PHTF1: variants seen among roughly 807,000 people sequenced by gnomAD.
PHTF1 encodes protein PHTF1.
In PHTF1, 88 loss-of-function variants were observed where a neutral mutation model predicts 102.4. The ratio of observed to expected loss-of-function variants is 0.86; its 90% CI spans 0.72 to 1.03. PHTF1 has a LOEUF of 1.03. Among genes scored for constraint, PHTF1 ranks in the 50% least tolerant of loss-of-function variants. The pLI, the probability that PHTF1 is intolerant of heterozygous loss-of-function variation, is 0.00. For synonymous variants in PHTF1, 289 were observed against 305.2 expected, an observed-to-expected ratio of 0.95 and a Z score of 0.55; for missense variants, 814 against 909.5, an observed-to-expected ratio of 0.89 and a Z score of 1.35.
chr1:113,710,142 A>G lies in PHTF1; in HGVS notation c.1269+112T>C, dbSNP rs947176934. 7 of 760,814 alleles carry G rather than the reference A, an allele frequency of 9.2e-6. No homozygotes were observed. In the African/African-American group the frequency reaches 1.2e-4, roughly 13 times the overall value. The allele number at this position is 760,814 out of a possible 1,614,324, so 47.1% of individuals were successfully genotyped here. A position where few individuals can be genotyped will look rare whatever the true frequency, so the allele number is the denominator to read the frequency against. On this transcript the variant is annotated intron_variant, in intron 11 of 18. Coordinates refer to ENST00000369604, the MANE Select transcript of PHTF1 (RefSeq NM_001323043.2). ...TTTCCTCACCTCTAAACTGGGGATA[A>G]TAATAGTATCTACCCTACAGGATGA...
At chr1:113,734,540 T>C (rs1056597522) in intron 5 of PHTF1, among the ~76,000 whole-genome samples, 1 of 152,176 alleles carries the variant, frequency 6.6e-6, no homozygotes, top group African/African-American at 2.4e-5. Context: ...AGTGATGAAA[T>C]TGCATATTTA....
intron 5 of PHTF1, among the ~76,000 whole-genome samples, chr1:113,735,504 T>A (rs1361217702): frequency 6.6e-6 from 1 of 151,852 alleles, no homozygotes; most frequent in African/African-American, 2.4e-5. Context: ...AATGATGGTA[T>A]GCCCATATGA....
At chr1:113,698,225 T>G (rs1476313466) in intron 18 of PHTF1, 37 bp downstream of exon 18, 6 of 1,520,744 alleles carry the variant, frequency 3.9e-6, no homozygotes, top group Non-Finnish European at 5.4e-6. Flanking sequence ...TAGTAATTTT[T>G]AAGACTAGGA....
intron 3 of PHTF1, among the ~76,000 whole-genome samples, chr1:113,750,590 G>T (rs1157316487): frequency 2.6e-5 from 4 of 152,084 alleles, no homozygotes; most frequent in African/African-American, 4.8e-5. Flanking sequence ...CAGGCGTGGT[G>T]GCTCACGCCT....
In PHTF1 at chr1:113,715,648, C is replaced by CAAAAA. The variant is rs60517410; in HGVS notation, c.624-2215_624-2211dup. Among the ~76,000 whole-genome samples the CAAAAA allele has an allele frequency of 1.1e-3, 28 of 24,982 alleles. 5 individuals carry two copies. The highest frequency in any genetic ancestry group is 7.2e-3 in the East Asian group (2 of 276). The allele number at this position is 24,982 out of a possible 152,430, so 16.4% of individuals were successfully genotyped here. A position where few individuals can be genotyped will look rare whatever the true frequency, so the allele number is the denominator to read the frequency against. On this transcript the variant is annotated intron_variant, in intron 7 of 18. Coordinates refer to ENST00000369604, the MANE Select transcript of PHTF1 (RefSeq NM_001323043.2). The stretch of plus-strand genomic sequence containing the variant: ...GAGCAATGACAGTGAAACCCTGTCT[C>CAAAAA]AAAAAAAAAAAAAAAAAAAAAAAAA...
chr1:113,697,530 C>T lies in PHTF1; in HGVS notation c.*175G>A. On this transcript the variant is annotated 3_prime_UTR_variant, in exon 19 of 19. Coordinates refer to ENST00000369604, the MANE Select transcript of PHTF1 (RefSeq NM_001323043.2). ...AAATACAGGTTTTTAGCATGCACACCCAGTTGGAAAAGGACTTGCTCCTCC... is the reference window on the plus strand; with the variant it reads ...AAATACAGGTTTTTAGCATGCACACTCAGTTGGAAAAGGACTTGCTCCTCC... 3.6e-6 allele frequency: 2 copies of T among 558,324 alleles called. No homozygotes were observed. The highest frequency in any genetic ancestry group is 6.6e-6 in the Non-Finnish European group (2 of 305,314). The allele number at this position is 558,324 out of a possible 1,614,324, so 34.6% of individuals were successfully genotyped here.
At chr1:113,721,731 C>G (rs999353954) in intron 7 of PHTF1, among the ~76,000 whole-genome samples, 2 of 152,052 alleles carry the variant, frequency 1.3e-5, no homozygotes, top group African/African-American at 4.8e-5. Context: ...GCTCTGTCGC[C>G]CAGGCTGGAG....
Position 113,726,517 on chromosome 1 carries a change from C to G in PHTF1, c.389G>C (p.Gly130Ala). The G allele has an allele frequency of 6.2e-7, 1 of 1,607,118 alleles. No individual in the cohort carries two copies. Residue 130 changes from glycine (G) to alanine (A), a missense_variant, in exon 6 of 19, where the codon GGA becomes GCA. Physicochemically the swap from Gly to Ala is moderately conservative, Grantham distance 60 (BLOSUM62 0). Transcript: ENST00000369604. ...CATGAGTAGCATAAGGCACAAGGGT[C>G]CAAGTACTTCACTTATGTTCACAAT... ...MPIVNISEVL[G>A]PLCLMLLMGT...
chr1:113,701,065 A>G, intron 15 of PHTF1, 116 bp from the exon 16 acceptor site: 1 of 741,142 alleles, frequency 1.3e-6, no homozygotes, highest in South Asian at 1.7e-5. Flanking sequence ...TAATACTGAA[A>G]GCAGAAGAGC....
At chr1:113,741,375 T>C (rs543686619) in intron 3 of PHTF1, among the ~76,000 whole-genome samples, 1 of 152,354 alleles carries the variant, frequency 6.6e-6, no homozygotes, top group Non-Finnish European at 1.5e-5. Context: ...TGTACACTAA[T>C]TTTTGAAATA....
At chr1:113,717,491 A>T (rs1249320233) in intron 7 of PHTF1, among the ~76,000 whole-genome samples, 19 of 152,224 alleles carry the variant, frequency 1.2e-4, no homozygotes, top group Admixed American at 1.2e-3. Flanking sequence ...TTTATAAAAG[A>T]TACACACAGG....
In PHTF1 at chr1:113,724,827, G is replaced by A; in HGVS notation, c.555C>T (p.Val185=). The A allele has an allele frequency of 6.2e-7, 1 of 1,610,326 alleles. No individual in the cohort carries two copies. Among genetic ancestry groups the A allele is most frequent in the Non-Finnish European group, 8.5e-7 (1 of 1,177,694 alleles). Residue 185 remains valine, a synonymous_variant, in exon 7 of 19, where the codon GTC becomes GTT. Coordinates refer to ENST00000369604, the MANE Select transcript of PHTF1 (RefSeq NM_001323043.2). ...RENGNNSSDK[V]RGIETLESVP... is the part of the protein sequence containing the mutation. ...CAGATTCCAAAGTTTCTATTCCTCT[G>A]ACTTTATCAGAGGAGTTATTTCCAT...
At chr1:113,715,648 CAAAAAAAAAAAAA>C (rs60517410) in intron 7 of PHTF1, among the ~76,000 whole-genome samples, 6 of 24,960 alleles carry the variant, frequency 2.4e-4, no homozygotes, top group Admixed American at 7.8e-4. Flanking sequence ...AACCCTGTCT[CAAAAAAAAAAAAA>C]AAAAAAAAAA....
intron 3 of PHTF1, among the ~76,000 whole-genome samples, chr1:113,739,802 G>T (rs1656072225): frequency 6.6e-6 from 1 of 152,010 alleles, no homozygotes; most frequent in African/African-American, 2.4e-5. Flanking sequence ...CAACTTTTTA[G>T]CTTCCATGTA....
chr1:113,711,947 T>C lies in PHTF1; in HGVS notation c.950A>G (p.Asn317Ser), dbSNP rs1471625396. 3 of 1,613,188 alleles carry C rather than the reference T, an allele frequency of 1.9e-6. No individual in the cohort carries two copies. The African/African-American group carries it at 4.0e-5, about 22-fold the overall frequency. Residue 317 changes from asparagine to serine, a missense_variant, in exon 9 of 19, where the codon AAC becomes AGC. Asn to Ser is a conservative substitution (Grantham distance 46, BLOSUM62 1). Coordinates refer to ENST00000369604, the MANE Select transcript of PHTF1 (RefSeq NM_001323043.2). ...AACTAAAATAGAAATTACCTGAGAG[T>C]TTAGGTGCCTTGAAAGTATTGATTT... ...NRKSILSRHLNSQVKKTTTRW... is the reference protein window; with the variant it reads ...NRKSILSRHLSSQVKKTTTRW...
In PHTF1 at chr1:113,710,324, C is replaced by T; in HGVS notation, c.1199G>A (p.Ser400Asn). 6.2e-7 allele frequency: 1 copy of T among 1,614,172 alleles called. No individual in the cohort carries two copies. Among genetic ancestry groups the T allele is most frequent in the Non-Finnish European group, 8.5e-7 (1 of 1,180,034 alleles). The change falls in exon 11 of 19, where the codon AGT becomes AAT. Residue 400 changes from serine to asparagine, a missense_variant. Physicochemically the swap from Ser to Asn is conservative, Grantham distance 46. Coordinates refer to ENST00000369604, the MANE Select transcript of PHTF1 (RefSeq NM_001323043.2). The stretch of plus-strand genomic sequence containing the variant: ...AAGGGTATTCACATGGGCCCCCTCA[C>T]TGTCACTGGTGACAGATGACCGGCA... ...PECRSSVTSDSEGAHVNTLHS... is the reference protein window; with the variant it reads ...PECRSSVTSDNEGAHVNTLHS...
At chr1:113,747,212 G>C (rs757102100) in intron 3 of PHTF1, among the ~76,000 whole-genome samples, 20 of 152,128 alleles carry the variant, frequency 1.3e-4, no homozygotes, top group Non-Finnish European at 2.9e-5. Flanking sequence ...TGTTTAGAGG[G>C]TTATAATTAC....
intron 3 of PHTF1, among the ~76,000 whole-genome samples, chr1:113,743,425 C>G (rs1656732681): frequency 6.6e-6 from 1 of 152,054 alleles, no homozygotes; most frequent in Non-Finnish European, 1.5e-5. Flanking sequence ...TCTGGAATAC[C>G]TCCTGAAGGA....
At chr1:113,729,252 A>C (rs1338723007) in intron 5 of PHTF1, among the ~76,000 whole-genome samples, 1 of 152,294 alleles carries the variant, frequency 6.6e-6, no homozygotes, top group East Asian at 1.9e-4. Flanking sequence ...AGAGAGTAGA[A>C]GGCTCTGAGG....
Sources: allele counts gnomAD v4.1 joint callset (sites outside exome capture counted in the v4.1 genomes callset), GRCh38; gene constraint gnomAD v4.1.1; transcripts MANE v1.5; gene names NCBI Gene and HGNC (gene_info 2026-07-23, HGNC 2026-07-21).